Variants in PPM1H observed in about 807,000 individuals in gnomAD.
PPM1H encodes the protein protein phosphatase 1H.
A neutral mutation model predicts 54.9 loss-of-function variants in PPM1H; 27 were observed. The observed-to-expected ratio is 0.49, with a 90% confidence interval of 0.36 to 0.68. The LOEUF is 0.68. Ranked by LOEUF, PPM1H falls within the 30% of genes least tolerant of loss-of-function variation. PPM1H has a pLI of 0.00. For missense variants in PPM1H, 596 were observed against 667.8 expected, an observed-to-expected ratio of 0.89 and a Z score of 1.19; for synonymous variants, 305 against 270.8, an observed-to-expected ratio of 1.13 and a Z score of -1.24.
intron 9 of PPM1H, 37 bp from the exon 10 acceptor site, chr12:62,648,673 G>C: frequency 6.2e-7 from 1 of 1,604,504 alleles, no homozygotes; most frequent in Non-Finnish European, 8.5e-7. Flanking sequence ...AGTCAGTAGA[G>C]CATCAGACAG....
In PPM1H at chr12:62,657,925, C is replaced by T. The variant is rs1320528249; in HGVS notation, c.1397+9253G>A. On this transcript the variant is annotated intron_variant, in intron 9 of 9. Coordinates refer to ENST00000228705, the MANE Select transcript of PPM1H (RefSeq NM_020700.2). ...ACAAGTGTGGACATCAGGAAGGCTT[C>T]TCTCATTAGAGACATACTCTGTAGG... Among the ~76,000 whole-genome samples, 3 of 152,108 alleles carry T rather than the reference C, an allele frequency of 2.0e-5. No individual in the cohort carries two copies. The East Asian group carries it at 5.8e-4, about 29-fold the overall frequency.
intron 1 of PPM1H, among the ~76,000 whole-genome samples, chr12:62,923,583 G>A (rs1057346970): frequency 6.6e-6 from 1 of 152,086 alleles, no homozygotes; most frequent in Non-Finnish European, 1.5e-5. Flanking sequence ...TGTATTTTAA[G>A]TAGTGACGAG....
At chr12:62,865,280 C>T (rs1869734908) in intron 1 of PPM1H, among the ~76,000 whole-genome samples, 1 of 152,258 alleles carries the variant, frequency 6.6e-6, no homozygotes, top group East Asian at 1.9e-4. Flanking sequence ...AACTCTCTGT[C>T]CAAGCAGCTG....
At chr12:62,749,134 T>C (rs978436195) in intron 4 of PPM1H, among the ~76,000 whole-genome samples, 2 of 152,184 alleles carry the variant, frequency 1.3e-5, no homozygotes, top group African/African-American at 4.8e-5. Flanking sequence ...ACAAGGAACC[T>C]ACTATTGAGC....
At chr12:62,873,740 G>A (rs1337782211) in intron 1 of PPM1H, among the ~76,000 whole-genome samples, 1 of 152,198 alleles carries the variant, frequency 6.6e-6, no homozygotes. Context: ...AAAAGTTTGT[G>A]GGGACGGGAA....
chr12:62,878,996 T>G (rs577170500), intron 1 of PPM1H, among the ~76,000 whole-genome samples: 2 of 152,304 alleles, frequency 1.3e-5, no homozygotes, highest in Admixed American at 1.3e-4. Context: ...ATAAAAATAT[T>G]TTCCCTCGTT....
At position 62,804,928 on chromosome 12, in the gene PPM1H, G is replaced by A. The variant is rs866721716; in HGVS notation, c.412-2768C>T. On this transcript the variant is annotated intron_variant, in intron 2 of 9. Coordinates refer to ENST00000228705, the MANE Select transcript of PPM1H (RefSeq NM_020700.2). ...CTGACCTCGTGATCCGCCCGCCTCG[G>A]CCTCCCAAAGTGCTGGGATTACAGG... 7.2e-5 allele frequency among the ~76,000 whole-genome samples: 11 copies of A among 152,118 alleles called. No individual in the cohort carries two copies. The South Asian group carries it at 2.1e-3, about 29-fold the overall frequency.
chr12:62,791,553 G>A (rs1424465791), intron 3 of PPM1H, among the ~76,000 whole-genome samples: 1 of 152,216 alleles, frequency 6.6e-6, no homozygotes, highest in East Asian at 1.9e-4. Flanking sequence ...CTCAGCTACA[G>A]AGACTATTTT....
intron 6 of PPM1H, among the ~76,000 whole-genome samples, chr12:62,710,451 G>A (rs1028655186): frequency 6.6e-6 from 1 of 150,538 alleles, no homozygotes; most frequent in Non-Finnish European, 1.5e-5. Context: ...AAAATCGCTT[G>A]AATCTGGGAG....
chr12:62,676,807 G>A (rs1306513838), intron 8 of PPM1H, among the ~76,000 whole-genome samples: 7 of 152,184 alleles, frequency 4.6e-5, no homozygotes, highest in Admixed American at 4.6e-4. Flanking sequence ...GGGTGTCGTG[G>A]ATGACATGTC....
intron 7 of PPM1H, among the ~76,000 whole-genome samples, chr12:62,690,993 A>G (rs1296478068): frequency 6.6e-6 from 1 of 152,200 alleles, no homozygotes; most frequent in Non-Finnish European, 1.5e-5. Context: ...AAACAAATAA[A>G]AAAACCAAAA....
chr12:62,740,054 C>T (rs1465884968), intron 4 of PPM1H, among the ~76,000 whole-genome samples: 1 of 152,190 alleles, frequency 6.6e-6, no homozygotes, highest in Non-Finnish European at 1.5e-5. Flanking sequence ...CATGCTAAAG[C>T]ATTCTGTTTA....
chr12:62,670,092 T>C (rs574724458), intron 8 of PPM1H, among the ~76,000 whole-genome samples: 12 of 146,846 alleles, frequency 8.2e-5, no homozygotes, highest in East Asian at 4.3e-4. Flanking sequence ...ATTCTCCTGC[T>C]TCAGCCTCCC....
intron 1 of PPM1H, among the ~76,000 whole-genome samples, chr12:62,911,909 T>A (rs1191987235): frequency 1.3e-5 from 2 of 152,200 alleles, no homozygotes; most frequent in African/African-American, 4.8e-5. Flanking sequence ...TATCGCCTGA[T>A]CCTTAGGTTG....
At chr12:62,919,710 A>G (rs1000759565) in intron 1 of PPM1H, among the ~76,000 whole-genome samples, 10 of 152,208 alleles carry the variant, frequency 6.6e-5, no homozygotes, top group African/African-American at 2.4e-4. Flanking sequence ...GTTGGGAACC[A>G]GGACTTGAGG....
Position 62,832,282 on chromosome 12 carries a change from G to A in PPM1H, c.246-3C>T. 1.2e-6 allele frequency: 2 copies of A among 1,607,256 alleles called. No homozygotes were observed. Among genetic ancestry groups the A allele is most frequent in the Non-Finnish European group, 1.7e-6 (2 of 1,176,652 alleles). On this transcript the variant is annotated splice_polypyrimidine_tract_variant and splice_region_variant and intron_variant, in intron 1 of 9. Transcript: ENST00000228705. ...TGCTCTTCCCGGCATTGATAACCCT[G>A]GAGAAGAAGCCGGAAAAGCTGGTCA...
At chr12:62,653,360 A>G (rs1265252756) in intron 9 of PPM1H, among the ~76,000 whole-genome samples, 2 of 152,178 alleles carry the variant, frequency 1.3e-5, no homozygotes, top group African/African-American at 4.8e-5. Flanking sequence ...GCAGATTTCA[A>G]CTTCTCTGCG....
intron 2 of PPM1H, among the ~76,000 whole-genome samples, chr12:62,810,226 T>C (rs1565795487): frequency 6.6e-6 from 1 of 152,184 alleles, no homozygotes; most frequent in Non-Finnish European, 1.5e-5. Flanking sequence ...GTAAAACCAA[T>C]AGAATATCAT....
At chr12:62,926,335 C>T (rs1206400966) in intron 1 of PPM1H, among the ~76,000 whole-genome samples, 1 of 152,112 alleles carries the variant, frequency 6.6e-6, no homozygotes, top group African/African-American at 2.4e-5. Context: ...TCCTTCCCCC[C>T]ACCACCCCAA....
Sources: allele counts gnomAD v4.1 joint callset (sites outside exome capture counted in the v4.1 genomes callset), GRCh38; gene constraint gnomAD v4.1.1; transcripts MANE v1.5; gene names NCBI Gene and HGNC (gene_info 2026-07-23, HGNC 2026-07-21).